The following SHC2 variants were observed in gnomAD, a reference collection of about 807,000 sequenced individuals.
SHC2 encodes SHC-transforming protein 2.
SHC2 carries 62 observed loss-of-function variants against 60.6 expected under a neutral mutation model. The ratio of observed to expected loss-of-function variants is 1.02; its 90% CI spans 0.83 to 1.26. The LOEUF (loss-of-function observed/expected upper bound fraction) is 1.26. Ranked by LOEUF, SHC2 falls within the 50% of genes most tolerant of loss-of-function variation. SHC2 has a pLI of 0.00. For missense variants in SHC2, 873 were observed against 822.2 expected, an observed-to-expected ratio of 1.06 and a Z score of -0.76; for synonymous variants, 375 against 372.4, an observed-to-expected ratio of 1.01 and a Z score of -0.08.
In SHC2 at chr19:424,378, T is replaced by C. The variant is rs185475825; in HGVS notation, c.1309+719A>G. 2.0e-5 allele frequency among the ~76,000 whole-genome samples: 3 copies of C among 152,226 alleles called. No homozygotes were observed. Among genetic ancestry groups the C allele is most frequent in the Admixed American group, 2.0e-4 (3 of 15,294 alleles). The stretch of plus-strand genomic sequence containing the variant: ...CAAGCAGGAAGCTGTGCCTCCCCCA[T>C]CAGGCCGGGATTTCCGTAGGAAGAA... On this transcript the variant is annotated intron_variant, in intron 10 of 12. Coordinates refer to ENST00000264554, the MANE Select transcript of SHC2 (RefSeq NM_012435.3). The surrounding 1 kb of genome is among the most constrained non-coding windows in gnomAD (Gnocchi z 4.5).
intron 4 of SHC2, 74 bp from the exon 5 acceptor site, chr19:436,757 A>G: frequency 7.1e-7 from 1 of 1,403,792 alleles, no homozygotes; most frequent in Non-Finnish European, 9.8e-7. Flanking sequence ...ATGGACCAGG[A>G]CCACAGCGAA....
In SHC2 at chr19:438,659, C is replaced by T. The variant is rs1243780974; in HGVS notation, c.720+59G>A. On this transcript the variant is annotated intron_variant, in intron 4 of 12. Coordinates refer to ENST00000264554, the MANE Select transcript of SHC2 (RefSeq NM_012435.3). This position sits in a 1 kb window ranked among gnomAD's most constrained non-coding sequence, Gnocchi z 5.0. Reference sequence around the variant, plus strand: ...CCCAGCACCCCACCTGGCTTTGCCTCCTAGGACTCCTGGCCCCTCTGGGGG... The same window carrying T: ...CCCAGCACCCCACCTGGCTTTGCCTTCTAGGACTCCTGGCCCCTCTGGGGG... The T allele has an allele frequency of 3.3e-6, 5 of 1,531,682 alleles. No individual in the cohort carries two copies. Among genetic ancestry groups the T allele is most frequent in the South Asian group, 1.2e-5 (1 of 82,866 alleles). The allele number at this position is 1,531,682 out of a possible 1,614,324, so 94.9% of individuals were successfully genotyped here.
At chr19:418,321 C>T (rs986994199) in intron 12 of SHC2, among the ~76,000 whole-genome samples, 2 of 152,254 alleles carry the variant, frequency 1.3e-5, no homozygotes, top group Admixed American at 1.3e-4. Context: ...AGGTGACGCC[C>T]ACCACAGCCG....
rs150903494 is a variant in SHC2 at position 430,178 on chromosome 19, C to T, written c.1174+506G>A. Among the ~76,000 whole-genome samples the T allele has an allele frequency of 3.9e-3, 573 of 145,762 alleles. 31 individuals are homozygous for T. In the East Asian group the frequency reaches 0.092, roughly 23 times the overall value. On this transcript the variant is annotated intron_variant, in intron 9 of 12. Transcript: ENST00000264554. ...CTGATACCGTGTGGATGACGCAGTACCTATACCCCAACGTGCACAGAAACC... is the reference window on the plus strand; with the variant it reads ...CTGATACCGTGTGGATGACGCAGTATCTATACCCCAACGTGCACAGAAACC...
chr19:429,219 C>T (rs985729563), intron 9 of SHC2, among the ~76,000 whole-genome samples: 3 of 148,276 alleles, frequency 2.0e-5, no homozygotes, highest in African/African-American at 7.4e-5. Flanking sequence ...GCAGAGAAAC[C>T]TAATACCGTG....
chr19:419,306 G>A (rs1974220098), intron 11 of SHC2: 1 of 460,922 alleles, frequency 2.2e-6, no homozygotes, highest in Non-Finnish European at 3.9e-6. Context: ...GGTGACCGCG[G>A]GAAGATGCGG....
chr19:456,702 G>C (rs529606563), intron 1 of SHC2, among the ~76,000 whole-genome samples: 2 of 152,144 alleles, frequency 1.3e-5, no homozygotes, highest in Admixed American at 1.3e-4. Flanking sequence ...TGCACCTGCT[G>C]TGCCCCCCCT....
chr19:452,457 G>A (rs113266140), intron 1 of SHC2, among the ~76,000 whole-genome samples: 1 of 129,742 alleles, frequency 7.7e-6, no homozygotes, highest in Non-Finnish European at 1.6e-5. Flanking sequence ...ATAGGTGTGC[G>A]TTTCTCCATT....
At chr19:447,160 T>G (rs2145741427) in intron 1 of SHC2, among the ~76,000 whole-genome samples, 1 of 152,198 alleles carries the variant, frequency 6.6e-6, no homozygotes, top group African/African-American at 2.4e-5. Context: ...AAGGAGCAAG[T>G]CTCCGATACG....
Position 435,250 on chromosome 19 carries a change from T to C in SHC2, c.954-385A>G, listed in dbSNP as rs1415505348. Reference sequence around the variant, plus strand: ...AAGCGCCCCCGCCCTCTGGCCCCGATGGCACTGGCAGGAATTGATCCTGCA... The same window carrying C: ...AAGCGCCCCCGCCCTCTGGCCCCGACGGCACTGGCAGGAATTGATCCTGCA... On this transcript the variant is annotated intron_variant, in intron 7 of 12. Transcript: ENST00000264554. Among the ~76,000 whole-genome samples the C allele has an allele frequency of 6.3e-4, 96 of 152,224 alleles. 2 individuals carry two copies. Among genetic ancestry groups the C allele is most frequent in the Non-Finnish European group, 4.4e-5 (3 of 68,034 alleles).
chr19:451,374 CCGTGGGCCACGT>C (rs1254234350), intron 1 of SHC2, among the ~76,000 whole-genome samples: 1 of 93,774 alleles, frequency 1.1e-5, no homozygotes, highest in African/African-American at 1.1e-4. Context: ...GATGGCCACG[CCGTGGGCCACGT>C]CGTATTTCAG....
intron 8 of SHC2, among the ~76,000 whole-genome samples, chr19:434,228 G>A (rs1974647941): frequency 3.5e-5 from 5 of 142,984 alleles, no homozygotes; most frequent in South Asian, 2.2e-4. Flanking sequence ...GATTGAGTGA[G>A]TGAGTGAGAT....
chr19:442,990 C>G (rs1420914377), intron 1 of SHC2, among the ~76,000 whole-genome samples: 330 of 11,988 alleles, frequency 0.028, no homozygotes, highest in South Asian at 0.04. Context: ...TGGATGGATG[C>G]ATGGGTGGGT....
In SHC2 at chr19:438,283, A is replaced by G. The variant is rs1445174424; in HGVS notation, c.720+435T>C. 1.3e-5 allele frequency among the ~76,000 whole-genome samples: 2 copies of G among 152,206 alleles called. No individual in the cohort carries two copies. Among genetic ancestry groups the G allele is most frequent in the East Asian group, 1.9e-4 (1 of 5,192 alleles). ...CGTGAGCCACTGAGCCCGGCCTCAC[A>G]GTGCTGGGGTTACAGGCGTGAGCAA... On this transcript the variant is annotated intron_variant, in intron 4 of 12. Coordinates refer to ENST00000264554, the MANE Select transcript of SHC2 (RefSeq NM_012435.3). The surrounding 1 kb of genome is among the most constrained non-coding windows in gnomAD (Gnocchi z 5.0).
rs115788676 is a variant in SHC2 at position 424,505 on chromosome 19, G to A, written c.1309+592C>T. Reference sequence around the variant, plus strand: ...GGCCAGGCAGTCGTCCCAGCAGGCCGGGATTCCCACAGAGAAAAGACGAGG... The same window carrying A: ...GGCCAGGCAGTCGTCCCAGCAGGCCAGGATTCCCACAGAGAAAAGACGAGG... On this transcript the variant is annotated intron_variant, in intron 10 of 12. Coordinates refer to ENST00000264554, the MANE Select transcript of SHC2 (RefSeq NM_012435.3). This position sits in a 1 kb window ranked among gnomAD's most constrained non-coding sequence, Gnocchi z 4.5. 4.2e-3 allele frequency among the ~76,000 whole-genome samples: 643 copies of A among 152,298 alleles called. 5 individuals are homozygous for A. Among genetic ancestry groups the A allele is most frequent in the African/African-American group, 0.014 (598 of 41,554 alleles).
chr19:449,037 G>A (rs1975113403), intron 1 of SHC2, among the ~76,000 whole-genome samples: 1 of 152,180 alleles, frequency 6.6e-6, no homozygotes, highest in African/African-American at 2.4e-5. Context: ...GCATGGTGGT[G>A]CACACCTGTA....
chr19:421,041 C>A (rs1974256535), intron 11 of SHC2, among the ~76,000 whole-genome samples: 1 of 150,442 alleles, frequency 6.6e-6, no homozygotes, highest in African/African-American at 2.5e-5. Context: ...CAGAGCGAGA[C>A]TCCATCAAGA....
intron 10 of SHC2, among the ~76,000 whole-genome samples, chr19:423,824 G>A (rs549312978): frequency 6.6e-5 from 10 of 152,314 alleles, no homozygotes; most frequent in African/African-American, 1.9e-4. Context: ...GAGGACGGAC[G>A]AGAAGACACC....
At chr19:418,316 A>ACG (rs1420468809) in intron 12 of SHC2, among the ~76,000 whole-genome samples, 2 of 152,178 alleles carry the variant, frequency 1.3e-5, no homozygotes, top group African/African-American at 4.8e-5. Context: ...AGACCAGGTG[A>ACG]CGCCCACCAC....
Sources: allele counts gnomAD v4.1 joint callset (sites outside exome capture counted in the v4.1 genomes callset), GRCh38; gene constraint gnomAD v4.1.1; non-coding constraint Gnocchi (gnomAD v3.1); transcripts MANE v1.5; gene names NCBI Gene and HGNC (gene_info 2026-07-23, HGNC 2026-07-21).